RLF: variants seen among roughly 807,000 people sequenced by gnomAD.
The protein encoded by RLF is zinc finger protein Rlf.
Under a neutral mutation model 162.9 loss-of-function variants are expected in RLF, and 7 were observed. The observed-to-expected ratio is 0.04, with a 90% CI of 0.02 to 0.08. The LOEUF is 0.08. Among genes scored for constraint, RLF ranks in the 10% least tolerant of loss-of-function variants. RLF has a pLI of 1.00. For synonymous variants in RLF, 782 were observed against 791.5 expected (o/e 0.99, Z 0.20); for missense variants, 1,664 against 2,244.7 (o/e 0.74, Z 5.23).
chr1:40,198,152 C>T (rs946853774), intron 4 of RLF, among the ~76,000 whole-genome samples: 7 of 145,052 alleles, frequency 4.8e-5, no homozygotes, highest in South Asian at 2.2e-4. Flanking sequence ...TACAGGCATG[C>T]GCCACCATGC....
In RLF at chr1:40,237,525, A is replaced by G. The variant is rs1643232104; in HGVS notation, c.2823A>G (p.Lys941=). 6.2e-7 allele frequency: 1 copy of G among 1,614,056 alleles called. No homozygotes were observed. Among genetic ancestry groups the G allele is most frequent in the Non-Finnish European group, 8.5e-7 (1 of 1,179,984 alleles). ...TTGGGCCCTCCAGTTTAAAAGAAAA[A>G]TGTTCCAGTATGGCAGTTTGTTTTG... ...KVFGPSSLKE[K]CSSMAVCFDG... Residue 941 remains lysine (K), a synonymous_variant, in exon 8 of 8, where the codon AAA becomes AAG. Coordinates refer to ENST00000372771, the MANE Select transcript of RLF (RefSeq NM_012421.4). The surrounding 1 kb of genome is among the most constrained non-coding windows in gnomAD (Gnocchi z 4.4).
At chr1:40,175,167 A>G (rs181741758) in intron 1 of RLF, among the ~76,000 whole-genome samples, 5 of 120,588 alleles carry the variant, frequency 4.1e-5, no homozygotes, top group Non-Finnish European at 6.5e-5. Flanking sequence ...TTCCAGCCTG[A>G]GCAGGAGAAC....
chr1:40,165,789 CT>C (rs745565179), intron 1 of RLF, among the ~76,000 whole-genome samples: 17 of 152,218 alleles, frequency 1.1e-4, no homozygotes, highest in East Asian at 9.6e-4. Flanking sequence ...CCTCCCCCCC[CT>C]CCGCCAAAGG....
intron 1 of RLF, among the ~76,000 whole-genome samples, chr1:40,179,307 A>G (rs144800511): frequency 3.3e-5 from 5 of 152,332 alleles, no homozygotes; most frequent in Admixed American, 2.0e-4. Flanking sequence ...TTGTTACACA[A>G]CTACCTCAGA....
At chr1:40,178,617 GTGTTTTTTTTTTTTGTTTTTTTTTT>G (rs1451361939) in intron 1 of RLF, among the ~76,000 whole-genome samples, 1 of 134,742 alleles carries the variant, frequency 7.4e-6, no homozygotes, top group Non-Finnish European at 1.5e-5. Flanking sequence ...GCTGTCTTTG[GTGTTTTTTTTTTTTGTTTTTTTTTT>G]TTTTTTGGAG....
In RLF at chr1:40,236,737, T is replaced by A. The variant is rs1422352478; in HGVS notation, c.2035T>A (p.Ser679Thr). The change falls in exon 8 of 8, where the codon TCC becomes ACC. Residue 679 changes from serine (S) to threonine (T), a missense_variant. Around this residue, in one of 15 missense-constraint regions of RLF, gnomAD observed 69 missense variants for 206.4 expected, o/e 0.33. Coordinates refer to ENST00000372771, the MANE Select transcript of RLF (RefSeq NM_012421.4). The surrounding 1 kb of genome is among the most constrained non-coding windows in gnomAD (Gnocchi z 7.7). ...DLYPCPGTDC[S>T]RVFKQFKYLS... ...GTATCCATGTCCCGGTACAGACTGT[T>A]CCCGTGTGTTTAAGCAATTTAAATA... 2 of 1,613,994 alleles carry A rather than the reference T, an allele frequency of 1.2e-6. No homozygotes were observed. The highest frequency in any genetic ancestry group is 3.3e-5 in the Admixed American group (2 of 60,022).
At chr1:40,233,930 C>T in intron 7 of RLF, among the ~76,000 whole-genome samples, 1 of 152,152 alleles carries the variant, frequency 6.6e-6, no homozygotes, top group Non-Finnish European at 1.5e-5. Flanking sequence ...CAGTCCACAT[C>T]TCTTCTACTC....
At chr1:40,230,369 T>A (rs908514863) in intron 6 of RLF, among the ~76,000 whole-genome samples, 5 of 152,224 alleles carry the variant, frequency 3.3e-5, no homozygotes, top group Admixed American at 2.0e-4. Context: ...ATCCATTGAT[T>A]TACTTAAAAG....
chr1:40,230,189 AAT>A (rs1259280850), intron 6 of RLF, among the ~76,000 whole-genome samples: 1 of 151,892 alleles, frequency 6.6e-6, no homozygotes, highest in Non-Finnish European at 1.5e-5. Context: ...TAAGAAAATA[AAT>A]TCCGTTAAAT....
At chr1:40,210,742 G>A (rs1230356850) in intron 5 of RLF, among the ~76,000 whole-genome samples, 1 of 152,218 alleles carries the variant, frequency 6.6e-6, no homozygotes, top group African/African-American at 2.4e-5. Flanking sequence ...GATGTACAGA[G>A]ATACCTTCAA....
intron 5 of RLF, among the ~76,000 whole-genome samples, chr1:40,217,530 G>A (rs1642940223): frequency 6.6e-6 from 1 of 152,096 alleles, no homozygotes; most frequent in Admixed American, 6.6e-5. Context: ...CTAGCACTTT[G>A]GGAAGCCGAG....
At chr1:40,183,903 T>C (rs4335368) in intron 1 of RLF, among the ~76,000 whole-genome samples, 28,492 of 152,158 alleles carry the variant, frequency 0.19, 2,818 homozygotes, top group Non-Finnish European at 0.21. Flanking sequence ...TCAGTAAATA[T>C]AATTATTTCA....
intron 1 of RLF, among the ~76,000 whole-genome samples, chr1:40,179,861 G>T (rs1029408474): frequency 3.3e-5 from 5 of 151,970 alleles, no homozygotes; most frequent in African/African-American, 1.2e-4. Context: ...TTGTCTTGTT[G>T]TGACTGCCAT....
Position 40,240,371 on chromosome 1 carries a change from G to A in RLF, c.5669G>A (p.Arg1890Lys), listed in dbSNP as rs1201256180. 1 of 1,614,154 alleles carries A rather than the reference G, an allele frequency of 6.2e-7. No individual in the cohort carries two copies. The highest frequency in any genetic ancestry group is 8.5e-7 in the Non-Finnish European group (1 of 1,180,012). Residue 1890 changes from arginine to lysine, a missense_variant, in exon 8 of 8, where the codon AGA becomes AAA. Transcript: ENST00000372771. Reference protein sequence around the residue: ...HYLRPVVVLERSKFSTPILDL... With the variant: ...HYLRPVVVLEKSKFSTPILDL... ...CTTCGGCCAGTGGTGGTTCTTGAAA[G>A]ATCTAAGTTTTCCACACCAATTTTA...
At position 40,217,570 on chromosome 1, in the gene RLF, G is replaced by A. The variant is rs145169636; in HGVS notation, c.811-5004G>A. ...GCAGATTGCCTGAGGTCAGGAGTTC[G>A]AGACCAGCCTGGGCAACACGGTGAA... On this transcript the variant is annotated intron_variant, in intron 5 of 7. Coordinates refer to ENST00000372771, the MANE Select transcript of RLF (RefSeq NM_012421.4). 3.6e-3 allele frequency among the ~76,000 whole-genome samples: 555 copies of A among 152,134 alleles called. 12 individuals carry two copies. The highest frequency in any genetic ancestry group is 0.031 in the East Asian group (161 of 5,170).
chr1:40,205,076 C>T (rs1642771817), intron 5 of RLF, among the ~76,000 whole-genome samples: 1 of 152,214 alleles, frequency 6.6e-6, no homozygotes, highest in South Asian at 2.1e-4. Flanking sequence ...TTCTCCTTTT[C>T]TCTATTACAT....
At chr1:40,175,607 C>T (rs1354739665) in intron 1 of RLF, among the ~76,000 whole-genome samples, 2 of 151,960 alleles carry the variant, frequency 1.3e-5, no homozygotes, top group Non-Finnish European at 2.9e-5. Context: ...TGAGATCGAG[C>T]CATTGCACTC....
chr1:40,168,135 C>T (rs890146072), intron 1 of RLF, among the ~76,000 whole-genome samples: 13 of 151,944 alleles, frequency 8.6e-5, no homozygotes, highest in East Asian at 3.9e-4. Context: ...GGATCACTTG[C>T]GCTCAGGAGG....
chr1:40,209,761 C>T (rs1226906823), intron 5 of RLF, among the ~76,000 whole-genome samples: 2 of 152,034 alleles, frequency 1.3e-5, no homozygotes, highest in South Asian at 4.2e-4. Context: ...CCTGTAATCC[C>T]ATCTACTCAG....
Sources: allele counts gnomAD v4.1 joint callset (sites outside exome capture counted in the v4.1 genomes callset), GRCh38; gene constraint gnomAD v4.1.1; regional missense constraint gnomAD v4.1.1; non-coding constraint Gnocchi (gnomAD v3.1); transcripts MANE v1.5; gene names NCBI Gene and HGNC (gene_info 2026-07-23, HGNC 2026-07-21).